ROBO1: variants seen among roughly 807,000 people sequenced by gnomAD.
ROBO1 encodes roundabout homolog 1.
ROBO1 carries 149 observed loss-of-function variants against 195.9 expected under a neutral mutation model. The ratio of observed to expected loss-of-function variants is 0.76; its 90% confidence interval spans 0.67 to 0.87. The LOEUF is 0.87. ROBO1 is among the 40% of genes least tolerant of loss of function. The pLI, the probability that ROBO1 is intolerant of heterozygous loss-of-function variation, is 0.00. For synonymous variants in ROBO1, 816 were observed against 733.2 expected (o/e 1.11, Z -1.82); for missense variants, 1,933 against 2,068.3 (o/e 0.93, Z 1.27).
chr3:79,247,683 A>G (rs1287586451), intron 2 of ROBO1, among the ~76,000 whole-genome samples: 1 of 152,098 alleles, frequency 6.6e-6, no homozygotes. Flanking sequence ...CAAAAAGAAA[A>G]AATATTTAAT....
chr3:79,063,911 T>A (rs541999442), intron 3 of ROBO1, among the ~76,000 whole-genome samples: 1 of 150,694 alleles, frequency 6.6e-6, no homozygotes, highest in African/African-American at 2.4e-5. Context: ...AAGTAGGGAG[T>A]AGAATAGAGG....
intron 1 of ROBO1, among the ~76,000 whole-genome samples, chr3:79,637,424 A>G (rs536563517): frequency 7.4e-4 from 111 of 150,550 alleles, no homozygotes; most frequent in Non-Finnish European, 1.2e-3. Flanking sequence ...TCCTTCCCAA[A>G]CCCTTTTTAA....
chr3:79,117,603 A>T (rs1378150271), intron 3 of ROBO1, among the ~76,000 whole-genome samples: 1 of 152,154 alleles, frequency 6.6e-6, no homozygotes, highest in African/African-American at 2.4e-5. Flanking sequence ...TGTCATGGAA[A>T]TCTTACTTTT....
chr3:79,287,314 C>T (rs2031946973), intron 2 of ROBO1, among the ~76,000 whole-genome samples: 1 of 152,086 alleles, frequency 6.6e-6, no homozygotes, highest in Non-Finnish European at 1.5e-5. Flanking sequence ...ATCAATCTCT[C>T]TGCCTTGGTG....
At chr3:79,454,394 G>C (rs34742490) in intron 2 of ROBO1, among the ~76,000 whole-genome samples, 232 of 152,004 alleles carry the variant, frequency 1.5e-3, no homozygotes, top group Non-Finnish European at 2.9e-3. Flanking sequence ...TCATGTTAAC[G>C]TGGGACACCT....
chr3:79,328,472 G>T (rs2034305917), intron 2 of ROBO1, among the ~76,000 whole-genome samples: 1 of 151,868 alleles, frequency 6.6e-6, no homozygotes, highest in African/African-American at 2.4e-5. Context: ...CAAAACACTG[G>T]CAGGGTGTTT....
At chr3:79,654,962 A>T (rs937270232) in intron 1 of ROBO1, among the ~76,000 whole-genome samples, 1 of 151,920 alleles carries the variant, frequency 6.6e-6, no homozygotes, top group Non-Finnish European at 1.5e-5. Flanking sequence ...TTTATGGTTC[A>T]ATCCTAAAGT....
chr3:78,974,586 G>A (rs2076845143), intron 3 of ROBO1, among the ~76,000 whole-genome samples: 1 of 152,074 alleles, frequency 6.6e-6, no homozygotes, highest in African/African-American at 2.4e-5. Context: ...TTGTAAAATA[G>A]GCTACTCTTG....
At chr3:78,678,933 A>G (rs2080811928) in intron 10 of ROBO1, among the ~76,000 whole-genome samples, 3 of 152,178 alleles carry the variant, frequency 2.0e-5, no homozygotes, top group Non-Finnish European at 2.9e-5. Context: ...TCAATAAAAT[A>G]CTGGCAAACC....
chr3:78,738,139 T>C (rs190146284), intron 5 of ROBO1, among the ~76,000 whole-genome samples: 69 of 152,062 alleles, frequency 4.5e-4, no homozygotes, highest in African/African-American at 1.4e-3. Context: ...CATGTGGGAA[T>C]TGGGAGGAAA....
intron 2 of ROBO1, among the ~76,000 whole-genome samples, chr3:79,183,338 G>C (rs927909643): frequency 6.6e-6 from 1 of 152,152 alleles, no homozygotes; most frequent in African/African-American, 2.4e-5. Flanking sequence ...TCTGGCAGTA[G>C]ATGGATGAAT....
chr3:79,244,076 C>CT (rs2082574803), intron 2 of ROBO1, among the ~76,000 whole-genome samples: 1 of 152,130 alleles, frequency 6.6e-6, no homozygotes, highest in East Asian at 1.9e-4. Flanking sequence ...TCTTTTGGTT[C>CT]TACCAGCAAT....
chr3:79,178,789 G>C (rs1360868339), intron 2 of ROBO1, among the ~76,000 whole-genome samples: 1 of 152,136 alleles, frequency 6.6e-6, no homozygotes, highest in African/African-American at 2.4e-5. Flanking sequence ...TAAGATGAAA[G>C]CTTCATGAAT....
chr3:79,458,582 TA>T (rs1401648612), intron 2 of ROBO1, among the ~76,000 whole-genome samples: 1 of 150,876 alleles, frequency 6.6e-6, no homozygotes, highest in African/African-American at 2.4e-5. Context: ...TTTACTGTGT[TA>T]AAAGGAAAAA....
At chr3:79,263,248 T>A (rs928723186) in intron 2 of ROBO1, among the ~76,000 whole-genome samples, 1 of 152,108 alleles carries the variant, frequency 6.6e-6, no homozygotes, top group Non-Finnish European at 1.5e-5. Context: ...CACTAACCTA[T>A]GTACTCATTT....
intron 3 of ROBO1, among the ~76,000 whole-genome samples, chr3:79,057,653 C>T (rs905454424): frequency 2.6e-5 from 4 of 152,050 alleles, no homozygotes; most frequent in Non-Finnish European, 5.9e-5. Context: ...TTCTCTTCCT[C>T]CTTCAGCACT....
chr3:79,019,173 C>T, intron 3 of ROBO1: 2 of 986,746 alleles, frequency 2.0e-6, no homozygotes, highest in Non-Finnish European at 2.4e-6. Flanking sequence ...TGGGCGCCCC[C>T]AGCCCCGCGC....
intron 3 of ROBO1, among the ~76,000 whole-genome samples, chr3:79,084,081 T>C (rs1217373183): frequency 6.6e-6 from 1 of 152,232 alleles, no homozygotes; most frequent in African/African-American, 2.4e-5. Context: ...TAAAGTCATC[T>C]AGTTTATTGC....
intron 26 of ROBO1, among the ~76,000 whole-genome samples, chr3:78,623,070 G>C (rs1463270465): frequency 6.6e-6 from 1 of 152,182 alleles, no homozygotes; most frequent in African/African-American, 2.4e-5. Flanking sequence ...TGGTTTGTTA[G>C]ACAGCAATAG....
Sources: gnomAD v4.1 joint callset for allele counts (sites outside exome capture counted in the v4.1 genomes callset) on GRCh38, gnomAD v4.1.1 for gene constraint, MANE v1.5 for transcripts, NCBI Gene and HGNC (gene_info 2026-07-23, HGNC 2026-07-21) for gene names.